TMCC1: variants seen among roughly 807,000 people sequenced by gnomAD.
TMCC1 encodes transmembrane and coiled-coil domain family 1.
In TMCC1, 15 loss-of-function variants were observed where a neutral mutation model predicts 52.4. The observed-to-expected ratio is 0.29, with a 90% CI of 0.19 to 0.44. The LOEUF is 0.44. Ranked by LOEUF, TMCC1 falls within the 20% of genes least tolerant of loss-of-function variation. The pLI is 1.00. For missense variants in TMCC1, 503 were observed against 806.0 expected (o/e 0.62, Z 4.55); for synonymous variants, 279 against 301.9 (o/e 0.92, Z 0.79).
intron 1 of TMCC1, among the ~76,000 whole-genome samples, chr3:129,885,241 A>C (rs1319168176): frequency 6.6e-6 from 1 of 152,164 alleles, no homozygotes; most frequent in African/African-American, 2.4e-5. Flanking sequence ...AGGTTGTCCC[A>C]AACTGGCAAA....
At chr3:129,745,791 G>A (rs1272747183) in intron 4 of TMCC1, among the ~76,000 whole-genome samples, 3 of 151,440 alleles carry the variant, frequency 2.0e-5, no homozygotes, top group Non-Finnish European at 4.4e-5. Context: ...GTAAAACCCC[G>A]TCTCTACTAA....
chr3:129,756,776 A>T (rs1022022607), intron 4 of TMCC1, among the ~76,000 whole-genome samples: 3 of 152,226 alleles, frequency 2.0e-5, no homozygotes, highest in Admixed American at 2.0e-4. Context: ...TTCCATTCAC[A>T]TGACTTCTGG....
chr3:129,876,844 C>T (rs544447001), intron 2 of TMCC1, among the ~76,000 whole-genome samples: 17 of 152,144 alleles, frequency 1.1e-4, no homozygotes, highest in Admixed American at 7.2e-4. Context: ...GTAGTCCCAG[C>T]TACTCGGGAG....
At chr3:129,883,416 C>T (rs2061554186) in intron 1 of TMCC1, among the ~76,000 whole-genome samples, 1 of 152,096 alleles carries the variant, frequency 6.6e-6, no homozygotes, top group Non-Finnish European at 1.5e-5. Flanking sequence ...AGTTTGAGAT[C>T]AGTCCGGGCA....
At chr3:129,663,482 G>A (rs1576358186) in intron 5 of TMCC1, among the ~76,000 whole-genome samples, 2 of 152,146 alleles carry the variant, frequency 1.3e-5, no homozygotes, top group African/African-American at 4.8e-5. Flanking sequence ...ACTTGCGGTG[G>A]GAGTTTGAAT....
intron 2 of TMCC1, among the ~76,000 whole-genome samples, chr3:129,861,839 T>A (rs1049529586): frequency 6.6e-6 from 1 of 152,252 alleles, no homozygotes; most frequent in Non-Finnish European, 1.5e-5. Context: ...ATAAAAGAGT[T>A]ACCATATTTC....
chr3:129,720,343 G>T (rs1485341764), intron 4 of TMCC1, among the ~76,000 whole-genome samples: 1 of 152,198 alleles, frequency 6.6e-6, no homozygotes, highest in African/African-American at 2.4e-5. Context: ...AAGTATTTGT[G>T]CATTGGAGTC....
chr3:129,850,323 T>C (rs1365474112), intron 2 of TMCC1, among the ~76,000 whole-genome samples: 1 of 152,206 alleles, frequency 6.6e-6, no homozygotes, highest in South Asian at 2.1e-4. Flanking sequence ...AGAAGAGAGA[T>C]TATTTTATAC....
intron 4 of TMCC1, among the ~76,000 whole-genome samples, chr3:129,749,977 T>C (rs1330307212): frequency 6.6e-6 from 1 of 152,196 alleles, no homozygotes; most frequent in East Asian, 1.9e-4. Flanking sequence ...AATTTACACC[T>C]TCAGCAGAAC....
chr3:129,709,459 G>C (rs1041507892), intron 4 of TMCC1, among the ~76,000 whole-genome samples: 1 of 119,932 alleles, frequency 8.3e-6, no homozygotes, highest in Admixed American at 1.1e-4. Context: ...CTGAGCGACA[G>C]AGCGAGACTT....
At chr3:129,652,427 T>G (rs918297272) in intron 6 of TMCC1, among the ~76,000 whole-genome samples, 1 of 152,124 alleles carries the variant, frequency 6.6e-6, no homozygotes. Flanking sequence ...CATGCCTTAT[T>G]ATATCCCCTC....
At chr3:129,881,524 G>C (rs1263793677) in intron 1 of TMCC1, among the ~76,000 whole-genome samples, 1 of 152,070 alleles carries the variant, frequency 6.6e-6, no homozygotes, top group East Asian at 1.9e-4. Flanking sequence ...TGTAGGTTTT[G>C]GCAGAGAAAC....
intron 4 of TMCC1, among the ~76,000 whole-genome samples, chr3:129,680,319 T>C (rs1417742557): frequency 6.6e-6 from 1 of 152,232 alleles, no homozygotes; most frequent in Non-Finnish European, 1.5e-5. Flanking sequence ...GAGTGCTTAC[T>C]ATGAACCTGG....
chr3:129,706,355 A>G (rs1488128273), intron 4 of TMCC1, among the ~76,000 whole-genome samples: 1 of 142,758 alleles, frequency 7.0e-6, no homozygotes, highest in African/African-American at 2.6e-5. Context: ...ACAAACGTGC[A>G]CCACCATGCC....
intron 2 of TMCC1, among the ~76,000 whole-genome samples, chr3:129,851,958 T>C (rs765971820): frequency 3.9e-5 from 6 of 152,140 alleles, no homozygotes; most frequent in Non-Finnish European, 5.9e-5. Flanking sequence ...AAGACCAGCC[T>C]GGGCAACATA....
At chr3:129,792,328 A>C (rs780770713) in intron 4 of TMCC1, among the ~76,000 whole-genome samples, 24 of 152,082 alleles carry the variant, frequency 1.6e-4, no homozygotes, top group Non-Finnish European at 2.9e-4. Flanking sequence ...TGAAAAGACA[A>C]ATAGAGGCAC....
chr3:129,748,314 AG>A (rs1485145155), intron 4 of TMCC1, among the ~76,000 whole-genome samples: 4 of 152,144 alleles, frequency 2.6e-5, no homozygotes, highest in Non-Finnish European at 5.9e-5. Flanking sequence ...TTGTTTTGAG[AG>A]GGAGTCTCGC....
At chr3:129,743,622 T>C (rs971722699) in intron 4 of TMCC1, among the ~76,000 whole-genome samples, 2 of 152,286 alleles carry the variant, frequency 1.3e-5, no homozygotes, top group Admixed American at 6.5e-5. Flanking sequence ...ACTGATAAAA[T>C]TGTTATATTA....
intron 1 of TMCC1, among the ~76,000 whole-genome samples, chr3:129,887,734 C>A (rs1402497496): frequency 6.6e-6 from 1 of 151,894 alleles, no homozygotes; most frequent in East Asian, 1.9e-4. Flanking sequence ...AGTGAGGTTG[C>A]CAGAGGCTGG....
Sources: allele counts gnomAD v4.1 joint callset (sites outside exome capture counted in the v4.1 genomes callset), GRCh38; gene constraint gnomAD v4.1.1; transcripts MANE v1.5; gene names NCBI Gene and HGNC (gene_info 2026-07-23, HGNC 2026-07-21).